ACSL4: variants seen among roughly 807,000 people sequenced by gnomAD.
ACSL4 encodes acyl-CoA synthetase long chain family member 4, also known as long-chain-fatty-acid--CoA ligase 4.
A neutral mutation model predicts 49.1 loss-of-function variants in ACSL4; 9 were observed. The observed-to-expected ratio is 0.18, with a 90% confidence interval of 0.11 to 0.32. ACSL4 has a LOEUF of 0.32. ACSL4 is among the 10% of genes least tolerant of loss of function. ACSL4 has a pLI of 1.00. For missense variants in ACSL4, 333 were observed against 493.7 expected, an observed-to-expected ratio of 0.67 and a Z score of 3.08; for synonymous variants, 191 against 170.3, an observed-to-expected ratio of 1.12 and a Z score of -0.95.
At chrX:109,715,457 G>A (rs761922745) in intron 1 of ACSL4, among the ~76,000 whole-genome samples, 105 of 109,910 alleles carry the variant, frequency 9.6e-4, no homozygotes, top group African/African-American at 3.4e-3. Context: ...TGGTCAAGAA[G>A]GCGAAACCCT....
chrX:109,729,167 T>C (rs933411047), intron 1 of ACSL4, among the ~76,000 whole-genome samples: 1 of 110,012 alleles, frequency 9.1e-6, no homozygotes, highest in Non-Finnish European at 1.9e-5. Flanking sequence ...TGCAGTGAGA[T>C]TGCACCACTG....
intron 11 of ACSL4, among the ~76,000 whole-genome samples, chrX:109,667,298 G>T (rs971547998): frequency 8.0e-5 from 9 of 112,626 alleles, no homozygotes; most frequent in African/African-American, 2.6e-4. Context: ...CAGCTGGGGT[G>T]AGCCCATAAA....
At chrX:109,683,410 A>G (rs769113554) in intron 2 of ACSL4, 35 bp from the exon 3 acceptor site, 1 of 1,211,547 alleles carries the variant, frequency 8.3e-7, no homozygotes, top group Non-Finnish European at 1.1e-6. Flanking sequence ...TGGAATAAAT[A>G]TAAGGGCACT....
At chrX:109,722,977 T>G (rs1927678982) in intron 1 of ACSL4, among the ~76,000 whole-genome samples, 1 of 112,160 alleles carries the variant, frequency 8.9e-6, no homozygotes, top group Non-Finnish European at 1.9e-5. Context: ...AAGTTGACAA[T>G]GGATGTTTCT....
At position 109,680,318 on chromosome X, in the gene ACSL4, G is replaced by A. The variant is rs186495615; in HGVS notation, c.655+680C>T. Among the ~76,000 whole-genome samples, 416 of 111,962 alleles carry A rather than the reference G, an allele frequency of 3.7e-3. 2 individuals are homozygous for A. The highest frequency in any genetic ancestry group is 0.013 in the African/African-American group (387 of 30,844). On this transcript the variant is annotated intron_variant, in intron 6 of 15. Coordinates refer to ENST00000672401, the MANE Select transcript of ACSL4 (RefSeq NM_001318510.2). ...ATAACACCTGTTATTATAAACGCAT[G>A]CTCATTCTCTAATGGTAAAATGTTC...
intron 1 of ACSL4, among the ~76,000 whole-genome samples, chrX:109,712,691 A>C (rs753963828): frequency 1.8e-5 from 2 of 112,279 alleles, no homozygotes; most frequent in Non-Finnish European, 3.8e-5. Context: ...AAAGAAAAAG[A>C]AAGCCAGCTG....
chrX:109,725,680 C>T (rs1355239524), intron 1 of ACSL4, among the ~76,000 whole-genome samples: 1 of 110,310 alleles, frequency 9.1e-6, no homozygotes, highest in Non-Finnish European at 1.9e-5. Context: ...GTGGAGCTTA[C>T]AGTGAGCCGA....
At chrX:109,684,423 G>A (rs1000774772) in intron 2 of ACSL4, among the ~76,000 whole-genome samples, 19 of 111,961 alleles carry the variant, frequency 1.7e-4, no homozygotes, top group Non-Finnish European at 3.2e-4. Context: ...CTGTTTGGGG[G>A]AACGGGGACA....
At chrX:109,647,192 C>G in intron 15 of ACSL4, among the ~76,000 whole-genome samples, 2 of 111,412 alleles carry the variant, frequency 1.8e-5, no homozygotes, top group Middle Eastern at 9.1e-3. Flanking sequence ...ATCTACAGAA[C>G]TCTCCACTCC....
rs182441564 is a variant in ACSL4 at position 109,687,599 on chromosome X, A to G, written c.-12-4224T>C. Among the ~76,000 whole-genome samples the G allele has an allele frequency of 7.7e-3, 862 of 111,684 alleles. 5 individuals carry two copies. The highest frequency in any genetic ancestry group is 0.028 in the Middle Eastern group (6 of 217). ...CAGGGGATGGAGGGCTAGGGGAGGGATAGCATTAGGAGAAATACCTAACGT... is the reference window on the plus strand; with the variant it reads ...CAGGGGATGGAGGGCTAGGGGAGGGGTAGCATTAGGAGAAATACCTAACGT... On this transcript the variant is annotated intron_variant, in intron 2 of 15. Coordinates refer to ENST00000672401, the MANE Select transcript of ACSL4 (RefSeq NM_001318510.2).
chrX:109,668,368 T>C, intron 10 of ACSL4, 95 bp from the exon 11 acceptor site: 3 of 762,387 alleles, frequency 3.9e-6, no homozygotes, highest in South Asian at 3.4e-5. Context: ...CCTCAACTGG[T>C]TGAACATCTC....
chrX:109,723,503 T>C (rs946097582), intron 1 of ACSL4, among the ~76,000 whole-genome samples: 5 of 111,666 alleles, frequency 4.5e-5, no homozygotes, highest in Non-Finnish European at 9.4e-5. Context: ...CTTCCCCTGC[T>C]TAACAGCATA....
chrX:109,719,120 T>C (rs752171262), intron 1 of ACSL4, among the ~76,000 whole-genome samples: 2 of 112,101 alleles, frequency 1.8e-5, no homozygotes, highest in African/African-American at 6.5e-5. Context: ...CTGTGGTCTT[T>C]AGGGTTAGGG....
chrX:109,671,387 G>A (rs1171861225), intron 9 of ACSL4, among the ~76,000 whole-genome samples: 2 of 111,200 alleles, frequency 1.8e-5, no homozygotes, highest in African/African-American at 3.3e-5. Flanking sequence ...CCCTCCGCCC[G>A]GCCAGCCGCC....
rs1447832964 is a variant in ACSL4, at chrX:109,643,121, C to T, written c.*908G>A. ...ATAAATTCAGAGTTTAAATCTCTTT[C>T]CCAGGTTCAGTGCTGTGCAAGGGTT... On this transcript the variant is annotated 3_prime_UTR_variant, in exon 16 of 16. Coordinates refer to ENST00000672401, the MANE Select transcript of ACSL4 (RefSeq NM_001318510.2). 9.0e-6 allele frequency: 1 copy of T among 111,713 alleles called. No individual in the cohort carries two copies. The highest frequency in any genetic ancestry group is 1.9e-5 in the Non-Finnish European group (1 of 52,941). 9.2% of individuals were successfully genotyped at this position (111,713 alleles called of 1,213,427 possible).
At chrX:109,721,836 C>T (rs1423529204) in intron 1 of ACSL4, among the ~76,000 whole-genome samples, 7 of 112,070 alleles carry the variant, frequency 6.2e-5, no homozygotes, top group African/African-American at 1.9e-4. Flanking sequence ...CCACCATTAA[C>T]ATTTTCAATG....
At chrX:109,653,123 G>A (rs1921293114) in intron 15 of ACSL4, among the ~76,000 whole-genome samples, 1 of 111,370 alleles carries the variant, frequency 9.0e-6, no homozygotes, top group Non-Finnish European at 1.9e-5. Flanking sequence ...CAGTTTTCCT[G>A]GGGAGAGGCA....
At chrX:109,650,208 C>T (rs2147365357) in intron 15 of ACSL4, among the ~76,000 whole-genome samples, 1 of 111,370 alleles carries the variant, frequency 9.0e-6, no homozygotes, top group South Asian at 3.8e-4. Context: ...AATCATGCTG[C>T]TATAAAGACA....
At chrX:109,722,958 T>C (rs751181910) in intron 1 of ACSL4, among the ~76,000 whole-genome samples, 7 of 112,092 alleles carry the variant, frequency 6.2e-5, no homozygotes, top group Admixed American at 9.5e-5. Context: ...CACAAGCATA[T>C]ATACCAAAAA....
Sources: gnomAD v4.1 joint callset for allele counts (sites outside exome capture counted in the v4.1 genomes callset) on GRCh38, gnomAD v4.1.1 for gene constraint, MANE v1.5 for transcripts, NCBI Gene and HGNC (gene_info 2026-07-23, HGNC 2026-07-21) for gene names.